The following KAT14 variants were observed in gnomAD, a reference collection of about 807,000 sequenced individuals.
KAT14 encodes lysine acetyltransferase 14.
KAT14 carries 66 observed loss-of-function variants against 78.4 expected under a neutral mutation model. That is an observed-to-expected ratio of 0.84 (90% CI 0.69 to 1.03). The LOEUF (loss-of-function observed/expected upper bound fraction) is 1.03. Ranked by LOEUF, KAT14 falls within the 50% of genes least tolerant of loss-of-function variation. KAT14 has a pLI of 0.00. For synonymous variants in KAT14, 344 were observed against 359.4 expected, an observed-to-expected ratio of 0.96 and a Z score of 0.48; for missense variants, 870 against 972.5, an observed-to-expected ratio of 0.89 and a Z score of 1.40.
At chr20:18,175,965 G>A (rs1360255856) in intron 7 of KAT14, among the ~76,000 whole-genome samples, 3 of 146,730 alleles carry the variant, frequency 2.0e-5, no homozygotes, top group Non-Finnish European at 4.5e-5. Context: ...CCATGATCAT[G>A]CCACTGCACT....
intron 1 of KAT14, among the ~76,000 whole-genome samples, chr20:18,140,766 C>T (rs1236498494): frequency 1.5e-5 from 2 of 136,122 alleles, no homozygotes; most frequent in East Asian, 2.4e-4. Flanking sequence ...GAGCTAAGAT[C>T]GTGCCATGGA....
At chr20:18,173,104 T>G (rs75283436) in intron 7 of KAT14, among the ~76,000 whole-genome samples, 3,731 of 152,322 alleles carry the variant, frequency 0.024, 172 homozygotes, top group African/African-American at 0.086. Context: ...CAGGTGTTAC[T>G]AAGAACACAA....
rs184248440 is a variant in KAT14 at position 18,163,465 on chromosome 20, A to G, written c.1668+520A>G. ...ATTAATTCCACTTAGAACTACCTGT[A>G]TATACTCTCCCACTGGGAGGAACAA... On this transcript the variant is annotated intron_variant, in intron 7 of 10. Transcript: ENST00000688188. Among the ~76,000 whole-genome samples the G allele has an allele frequency of 2.1e-3, 326 of 152,342 alleles. 2 individuals are homozygous for G. Among genetic ancestry groups the G allele is most frequent in the Admixed American group, 3.7e-3 (56 of 15,300 alleles).
intron 4 of KAT14, among the ~76,000 whole-genome samples, chr20:18,156,336 A>G (rs185040560): frequency 6.6e-6 from 1 of 152,318 alleles, no homozygotes; most frequent in Admixed American, 6.5e-5. Flanking sequence ...TACCATATAA[A>G]TGTACTTAAT....
chr20:18,184,205 C>G (rs191900956), intron 9 of KAT14, among the ~76,000 whole-genome samples: 1 of 152,118 alleles, frequency 6.6e-6, no homozygotes, highest in Non-Finnish European at 1.5e-5. Context: ...AGAACACGCT[C>G]GGAGGATCTT....
chr20:18,164,470 A>G (rs1041654221), intron 7 of KAT14, among the ~76,000 whole-genome samples: 1 of 152,180 alleles, frequency 6.6e-6, no homozygotes, highest in Non-Finnish European at 1.5e-5. Flanking sequence ...CTGATGCCTT[A>G]GGTGACTACA....
chr20:18,159,130 G>T lies in KAT14; in HGVS notation c.547G>T (p.Val183Leu), dbSNP rs527469129. 6.2e-7 allele frequency: 1 copy of T among 1,613,370 alleles called. No individual in the cohort carries two copies. Among genetic ancestry groups the T allele is most frequent in the Admixed American group, 1.7e-5 (1 of 59,778 alleles). ...GAGCACCGTGGCAGGTTGCCTCAGCGTGGGAAGTCCCATGTACTTCCGTTC... is the reference window on the plus strand; with the variant it reads ...GAGCACCGTGGCAGGTTGCCTCAGCTTGGGAAGTCCCATGTACTTCCGTTC... Reference protein sequence around the residue: ...WWSTVAGCLSVGSPMYFRSGA... With the variant: ...WWSTVAGCLSLGSPMYFRSGA... The change falls in exon 5 of 11, where the codon GTG becomes TTG. Residue 183 changes from valine to leucine, a missense_variant. Physicochemically the swap from Val to Leu is conservative, Grantham distance 32 (BLOSUM62 1). Coordinates refer to ENST00000688188, the MANE Select transcript of KAT14 (RefSeq NM_001392073.1).
intron 4 of KAT14, among the ~76,000 whole-genome samples, chr20:18,158,389 C>A (rs956404536): frequency 6.6e-6 from 1 of 152,232 alleles, no homozygotes; most frequent in Non-Finnish European, 1.5e-5. Flanking sequence ...TTGTGAAAGA[C>A]TGTCTTCTAG....
At chr20:18,161,238 G>A (rs1297786841) in intron 5 of KAT14, among the ~76,000 whole-genome samples, 1 of 134,878 alleles carries the variant, frequency 7.4e-6, no homozygotes, top group Non-Finnish European at 1.6e-5. Context: ...TACATTTACT[G>A]AGCTTTATCA....
intron 7 of KAT14, among the ~76,000 whole-genome samples, chr20:18,168,349 G>A (rs113635497): frequency 1.3e-5 from 2 of 152,158 alleles, no homozygotes; most frequent in African/African-American, 4.8e-5. Flanking sequence ...ACAATATGGT[G>A]AAACCCCGTC....
chr20:18,187,853 A>T lies in KAT14; in HGVS notation c.*394A>T, dbSNP rs981741472. ...GCTATTAAAGATTCATGCAGTCCCA[A>T]AAGGCACTGTCCTGGGATGATGAGA... On this transcript the variant is annotated 3_prime_UTR_variant, in exon 11 of 11. Coordinates refer to ENST00000688188, the MANE Select transcript of KAT14 (RefSeq NM_001392073.1). The T allele has an allele frequency of 1.6e-5, 4 of 245,320 alleles. No homozygotes were observed. The highest frequency in any genetic ancestry group is 6.1e-5 in the Admixed American group (1 of 16,408). 15.2% of individuals were successfully genotyped at this position (245,320 alleles called of 1,614,324 possible).
At chr20:18,168,103 A>G (rs2038715615) in intron 7 of KAT14, among the ~76,000 whole-genome samples, 1 of 152,164 alleles carries the variant, frequency 6.6e-6, no homozygotes, top group Non-Finnish European at 1.5e-5. Context: ...TCTTCATTTC[A>G]CTTTTTCATT....
chr20:18,177,308 C>T (rs2039084074), intron 7 of KAT14, among the ~76,000 whole-genome samples: 1 of 152,140 alleles, frequency 6.6e-6, no homozygotes, highest in Non-Finnish European at 1.5e-5. Flanking sequence ...ACTGGTCTAG[C>T]TGGACTCCAA....
chr20:18,158,875 A>C lies in KAT14; in HGVS notation c.501-209A>C, dbSNP rs1165458275. Among the ~76,000 whole-genome samples the C allele has an allele frequency of 2.6e-5, 4 of 152,202 alleles. No homozygotes were observed. In the East Asian group the frequency reaches 7.7e-4, roughly 29 times the overall value. On this transcript the variant is annotated intron_variant, in intron 4 of 10. Coordinates refer to ENST00000688188, the MANE Select transcript of KAT14 (RefSeq NM_001392073.1). ...AAGTTCTATTATCCTGATTTTACAG[A>C]TGAACAAACCGAGGCTGCTAGAAGT... is the stretch of plus-strand genomic sequence containing the variant.
At chr20:18,144,023 A>G (rs1600215614) in intron 2 of KAT14, among the ~76,000 whole-genome samples, 1 of 152,230 alleles carries the variant, frequency 6.6e-6, no homozygotes, top group South Asian at 2.1e-4. Context: ...GGATTTTCCC[A>G]TTAGGCAAGA....
chr20:18,138,043 G>GA lies in KAT14; in HGVS notation c.-461dup. On this transcript the variant is annotated 5_prime_UTR_variant, in exon 1 of 11. An upstream open reading frame in the 5' UTR gains an earlier in-frame stop. Coordinates refer to ENST00000688188, the MANE Select transcript of KAT14 (RefSeq NM_001392073.1). Reference sequence around the variant, plus strand: ...CGGCGTACATGTGAAGCAGCAGTGGGACCAGCAGGTCGGTGTCACGTGACC... The same window carrying GA: ...CGGCGTACATGTGAAGCAGCAGTGGGAACCAGCAGGTCGGTGTCACGTGACC... 6.7e-7 allele frequency: 1 copy of GA among 1,488,236 alleles called. No individual in the cohort carries two copies. Among genetic ancestry groups the GA allele is most frequent in the African/African-American group, 1.5e-5 (1 of 68,692 alleles). 92.2% of individuals were successfully genotyped at this position (1,488,236 alleles called of 1,614,324 possible). A position where few individuals can be genotyped will look rare whatever the true frequency, so the allele number is the denominator to read the frequency against.
At chr20:18,156,443 A>G (rs2038230780) in intron 4 of KAT14, among the ~76,000 whole-genome samples, 6 of 152,214 alleles carry the variant, frequency 3.9e-5, no homozygotes, top group Admixed American at 3.9e-4. Context: ...GAGGCCATTC[A>G]TAAATACTGT....
In KAT14 at chr20:18,137,986, C is replaced by G. The variant is rs572605530; in HGVS notation, c.-519C>G. 4.6e-6 allele frequency: 7 copies of G among 1,506,218 alleles called. No homozygotes were observed. The highest frequency in any genetic ancestry group is 2.1e-5 in the Admixed American group (1 of 47,066). 93.3% of individuals were successfully genotyped at this position (1,506,218 alleles called of 1,614,324 possible). A position where few individuals can be genotyped will look rare whatever the true frequency, so the allele number is the denominator to read the frequency against. Reference sequence around the variant, plus strand: ...TAGGAGCTCGAAGGTGGTGCTGGGCCTCTCGGTGCTGCTGACGGCGGCCAC... The same window carrying G: ...TAGGAGCTCGAAGGTGGTGCTGGGCGTCTCGGTGCTGCTGACGGCGGCCAC... On this transcript the variant is annotated 5_prime_UTR_variant, in exon 1 of 11. Transcript: ENST00000688188.
intron 4 of KAT14, among the ~76,000 whole-genome samples, chr20:18,151,450 G>A (rs1039735844): frequency 1.3e-5 from 2 of 151,704 alleles, no homozygotes; most frequent in Non-Finnish European, 2.9e-5. Flanking sequence ...GTCTGCCTCG[G>A]CTTCCCAAAG....
Sources: allele counts gnomAD v4.1 joint callset (sites outside exome capture counted in the v4.1 genomes callset), GRCh38; gene constraint gnomAD v4.1.1; transcripts MANE v1.5; gene names NCBI Gene and HGNC (gene_info 2026-07-23, HGNC 2026-07-21).